PXK: variants seen among roughly 807,000 people sequenced by gnomAD.
PXK encodes PX domain-containing protein kinase-like protein.
PXK carries 35 observed loss-of-function variants against 84.7 expected under a neutral mutation model. That is an observed-to-expected ratio of 0.41 (90% CI 0.32 to 0.55). The LOEUF is 0.55. PXK is among the 20% of genes least tolerant of loss of function. The probability of loss-of-function intolerance (pLI) is 0.21; values close to 1 mark genes in which losing one functional copy is unlikely to be tolerated. For missense variants in PXK, 634 were observed against 699.7 expected (o/e 0.91, Z 1.06); for synonymous variants, 253 against 260.8 (o/e 0.97, Z 0.29).
At chr3:58,424,619 G>GT in intron 17 of PXK, 133 bp from the exon 18 acceptor site, 1 of 1,248,556 alleles carries the variant, frequency 8.0e-7, no homozygotes, top group South Asian at 1.6e-5. Context: ...AACTCATACA[G>GT]TACTAGGTAT....
chr3:58,355,362 A>G (rs777941358), intron 1 of PXK, among the ~76,000 whole-genome samples: 3 of 152,128 alleles, frequency 2.0e-5, no homozygotes, highest in East Asian at 1.9e-4. Context: ...CTGTACTTCA[A>G]GTTTCACGGC....
intron 3 of PXK, among the ~76,000 whole-genome samples, chr3:58,380,944 T>A (rs1003448158): frequency 6.6e-6 from 1 of 151,934 alleles, no homozygotes; most frequent in African/African-American, 2.4e-5. Context: ...TATCTCCTGC[T>A]CTCCTTTTTA....
rs139842304 is a variant in PXK at position 58,370,422 on chromosome 3, A to G, written c.201+944A>G. Among the ~76,000 whole-genome samples, 65 of 152,308 alleles carry G rather than the reference A, an allele frequency of 4.3e-4. No individual in the cohort carries two copies. Among genetic ancestry groups the G allele is most frequent in the Non-Finnish European group, 8.2e-4 (56 of 68,026 alleles). On this transcript the variant is annotated intron_variant, in intron 3 of 17. Coordinates refer to ENST00000356151, the MANE Select transcript of PXK (RefSeq NM_017771.5). This position sits in a 1 kb window ranked among gnomAD's most constrained non-coding sequence, Gnocchi z 4.2. ...TCTTCACTTGGCAGGCTGGTCTTCA[A>G]GTGCCTTGGATTACTGAAGACTATT...
Position 58,410,159 on chromosome 3 carries a change from G to A in PXK, c.1465G>A (p.Ala489Thr), listed in dbSNP as rs201805611. 356 of 1,578,286 alleles carry A rather than the reference G, an allele frequency of 2.3e-4. No individual in the cohort carries two copies. The highest frequency in any genetic ancestry group is 2.9e-4 in the Non-Finnish European group (333 of 1,147,340). ...GAAGTACAGCAACTCCAATAATTCA[G>A]GTAACTGGTTATAGATGGTAGTGGG... ...SAKYSNSNNS[A>T]GSGASSPLTS... The change falls in exon 16 of 18, where the codon GCA (alanine) becomes ACA (threonine). Residue 489 changes from alanine (A) to threonine (T), a missense_variant and splice_region_variant. Ala to Thr is a moderately conservative substitution (Grantham distance 58, BLOSUM62 0). Coordinates refer to ENST00000356151, the MANE Select transcript of PXK (RefSeq NM_017771.5).
Position 58,399,657 on chromosome 3 carries a change from G to T in PXK, c.1181+280G>T, listed in dbSNP as rs539308579. Among the ~76,000 whole-genome samples, 66 of 152,216 alleles carry T rather than the reference G, an allele frequency of 4.3e-4. No homozygotes were observed. The highest frequency in any genetic ancestry group is 1.6e-3 in the African/African-American group (65 of 41,528). On this transcript the variant is annotated intron_variant, in intron 12 of 17. Coordinates refer to ENST00000356151, the MANE Select transcript of PXK (RefSeq NM_017771.5). The surrounding 1 kb of genome is among the most constrained non-coding windows in gnomAD (Gnocchi z 4.3). Reference sequence around the variant, plus strand: ...GTGTACGTACATTAGCATTGGGTGTGCGTATGTGTCGCAGCCCCCAGCTTA... The same window carrying T: ...GTGTACGTACATTAGCATTGGGTGTTCGTATGTGTCGCAGCCCCCAGCTTA...
At position 58,411,914 on chromosome 3, in the gene PXK, A is replaced by C. The variant is rs749113448; in HGVS notation, c.1466-987A>C. The stretch of plus-strand genomic sequence containing the variant: ...AATATTGCAAGTAGAAAAGCATTAA[A>C]CTGGAGGGAGGTGTGGTTTAATCAG... On this transcript the variant is annotated intron_variant, in intron 16 of 17. Transcript: ENST00000356151. The surrounding 1 kb of genome is among the most constrained non-coding windows in gnomAD (Gnocchi z 4.2). Among the ~76,000 whole-genome samples the C allele has an allele frequency of 1.3e-5, 2 of 152,146 alleles. No individual in the cohort carries two copies. The highest frequency in any genetic ancestry group is 3.9e-4 in the East Asian group (2 of 5,194).
rs996634046 is a variant in PXK, at chr3:58,416,847, T to A, written c.1528+3884T>A. Among the ~76,000 whole-genome samples the A allele has an allele frequency of 6.6e-5, 10 of 152,146 alleles. No individual in the cohort carries two copies. The highest frequency in any genetic ancestry group is 2.0e-4 in the Admixed American group (3 of 15,274). Reference sequence around the variant, plus strand: ...TACGTTGGCCAGGCTGGTCTTGAACTCCTGACCTCAAAGTGATCCACCCGC... The same window carrying A: ...TACGTTGGCCAGGCTGGTCTTGAACACCTGACCTCAAAGTGATCCACCCGC... On this transcript the variant is annotated intron_variant, in intron 17 of 17. Coordinates refer to ENST00000356151, the MANE Select transcript of PXK (RefSeq NM_017771.5). The surrounding 1 kb of genome is among the most constrained non-coding windows in gnomAD (Gnocchi z 4.8).
At chr3:58,393,891 A>AG (rs2098655770) in intron 7 of PXK, among the ~76,000 whole-genome samples, 1 of 152,162 alleles carries the variant, frequency 6.6e-6, no homozygotes, top group African/African-American at 2.4e-5. Context: ...TTTTAAAAAA[A>AG]TTTATATTAG....
intron 17 of PXK, among the ~76,000 whole-genome samples, chr3:58,415,900 C>A (rs533274544): frequency 6.6e-6 from 1 of 152,056 alleles, no homozygotes. Flanking sequence ...CTTAAAAGGG[C>A]GGGACATCTT....
At chr3:58,345,977 G>A (rs2097807765) in intron 1 of PXK, among the ~76,000 whole-genome samples, 1 of 152,160 alleles carries the variant, frequency 6.6e-6, no homozygotes, top group African/African-American at 2.4e-5. Context: ...GGTTGCATTT[G>A]TAGACTTCAG....
At position 58,373,619 on chromosome 3, in the gene PXK, A is replaced by T. The variant is rs1432318364; in HGVS notation, c.201+4141A>T. Reference sequence around the variant, plus strand: ...GAATATGGTTGAAGGCAATTTACAGATCATGAAGATCTGATGTTGGAAGTA... The same window carrying T: ...GAATATGGTTGAAGGCAATTTACAGTTCATGAAGATCTGATGTTGGAAGTA... On this transcript the variant is annotated intron_variant, in intron 3 of 17. Coordinates refer to ENST00000356151, the MANE Select transcript of PXK (RefSeq NM_017771.5). Among the ~76,000 whole-genome samples, 3 of 152,334 alleles carry T rather than the reference A, an allele frequency of 2.0e-5. No homozygotes were observed. In the East Asian group the frequency reaches 5.8e-4, roughly 29 times the overall value.
At chr3:58,415,172 TCCA>T (rs2060774922) in intron 17 of PXK, among the ~76,000 whole-genome samples, 3 of 152,066 alleles carry the variant, frequency 2.0e-5, no homozygotes, top group African/African-American at 7.2e-5. Flanking sequence ...AGTGGTTCTG[TCCA>T]CCACCAAGTA....
chr3:58,369,352 A>G (rs2108504350), intron 2 of PXK, 79 bp from the exon 3 acceptor site: 1 of 1,152,598 alleles, frequency 8.7e-7, no homozygotes, highest in Non-Finnish European at 1.3e-6. Context: ...CAATATTACT[A>G]ATTCTAATAC....
rs1237429876 is a variant in PXK at position 58,397,053 on chromosome 3, T to C, written c.837T>C (p.Leu279=). The part of the protein sequence containing the change: ...GRQILEVLKF[L]HDKGFPYGHL... ...TGTTTTGATAGGTACTGAAGTTTCT[T>C]CATGACAAGGGATTCCCTTATGGGC... is the stretch of plus-strand genomic sequence containing the variant. Residue 279 remains leucine (L), a synonymous_variant, in exon 10 of 18, where the codon CTT becomes CTC. Coordinates refer to ENST00000356151, the MANE Select transcript of PXK (RefSeq NM_017771.5). This position sits in a 1 kb window ranked among gnomAD's most constrained non-coding sequence, Gnocchi z 4.7. 1.9e-6 allele frequency: 3 copies of C among 1,614,022 alleles called. 1 individual carries two copies. The South Asian group carries it at 3.3e-5, about 18-fold the overall frequency.
At chr3:58,386,597 C>T (rs71311864) in intron 4 of PXK, among the ~76,000 whole-genome samples, 11,094 of 152,150 alleles carry the variant, frequency 0.073, 523 homozygotes, top group South Asian at 0.1. Flanking sequence ...ACCTGGCCTA[C>T]AATATTCATC....
At chr3:58,393,907 A>G (rs2098655898) in intron 7 of PXK, among the ~76,000 whole-genome samples, 1 of 152,186 alleles carries the variant, frequency 6.6e-6, no homozygotes, top group Non-Finnish European at 1.5e-5. Flanking sequence ...ATTAGTATGT[A>G]CTCAAGGATT....
At chr3:58,356,297 G>T (rs2098078921) in intron 1 of PXK, among the ~76,000 whole-genome samples, 2 of 152,190 alleles carry the variant, frequency 1.3e-5, no homozygotes, top group South Asian at 4.1e-4. Flanking sequence ...GCAGCAGATG[G>T]CAGGGTTTGG....
chr3:58,395,228 G>T, intron 8 of PXK, 126 bp downstream of exon 8: 1 of 629,494 alleles, frequency 1.6e-6, no homozygotes, highest in Non-Finnish European at 2.6e-6. Flanking sequence ...ATTTTATTTG[G>T]AATTTATTTT....
At position 58,397,796 on chromosome 3, in the gene PXK, A is replaced by T; in HGVS notation, c.1102+74A>T. The T allele has an allele frequency of 8.1e-7, 1 of 1,240,688 alleles. No homozygotes were observed. Among genetic ancestry groups the T allele is most frequent in the Non-Finnish European group, 1.2e-6 (1 of 864,036 alleles). The allele number at this position is 1,240,688 out of a possible 1,614,324, so 76.9% of individuals were successfully genotyped here. A position where few individuals can be genotyped will look rare whatever the true frequency, so the allele number is the denominator to read the frequency against. On this transcript the variant is annotated intron_variant, in intron 11 of 17. Coordinates refer to ENST00000356151, the MANE Select transcript of PXK (RefSeq NM_017771.5). This position sits in a 1 kb window ranked among gnomAD's most constrained non-coding sequence, Gnocchi z 4.7. The stretch of plus-strand genomic sequence containing the variant: ...GCCACTCATCCCCTTTCCAGAGTCC[A>T]GGAAAGACCCAGAGGAAGTTGCTGT...
Sources: gnomAD v4.1 joint callset for allele counts (sites outside exome capture counted in the v4.1 genomes callset) on GRCh38, gnomAD v4.1.1 for gene constraint, Gnocchi (gnomAD v3.1) non-coding constraint, MANE v1.5 for transcripts, NCBI Gene and HGNC (gene_info 2026-07-23, HGNC 2026-07-21) for gene names.